ZDHHC20: variants seen among roughly 807,000 people sequenced by gnomAD.
ZDHHC20 encodes palmitoyltransferase ZDHHC20.
In ZDHHC20, 43 loss-of-function variants were observed where a neutral mutation model predicts 57.8. That is an observed-to-expected ratio of 0.74 (90% CI 0.58 to 0.96). The LOEUF (loss-of-function observed/expected upper bound fraction) is 0.96, where lower values mean the gene tolerates loss of function less well. Ranked by LOEUF, ZDHHC20 falls within the 40% of genes least tolerant of loss-of-function variation. The probability of loss-of-function intolerance (pLI) is 0.00; values close to 1 mark genes in which losing one functional copy is unlikely to be tolerated. For synonymous variants in ZDHHC20, 157 were observed against 153.0 expected (o/e 1.03, Z -0.19); for missense variants, 391 against 441.1 (o/e 0.89, Z 1.02).
intron 1 of ZDHHC20, among the ~76,000 whole-genome samples, chr13:21,442,693 T>A (rs1448733878): frequency 6.7e-6 from 1 of 149,792 alleles, no homozygotes; most frequent in Non-Finnish European, 1.5e-5. Context: ...AAGCAGAGAT[T>A]ACAGTGAGCC....
At chr13:21,431,745 G>A (rs529701300) in intron 1 of ZDHHC20, among the ~76,000 whole-genome samples, 23 of 152,258 alleles carry the variant, frequency 1.5e-4, no homozygotes, top group African/African-American at 5.3e-4. Context: ...ATCTTTTCAT[G>A]TGTTTAACAA....
intron 1 of ZDHHC20, among the ~76,000 whole-genome samples, chr13:21,432,937 G>A (rs9509700): frequency 0.089 from 13,530 of 152,214 alleles, 654 homozygotes; most frequent in Non-Finnish European, 0.1. Flanking sequence ...CTGACTATAC[G>A]TGTAAGGGTT....
chr13:21,446,268 A>C (rs1883689914), intron 1 of ZDHHC20, among the ~76,000 whole-genome samples: 1 of 152,236 alleles, frequency 6.6e-6, no homozygotes, highest in Non-Finnish European at 1.5e-5. Flanking sequence ...ATGAAAGTCT[A>C]TTAAGAGGCT....
chr13:21,386,730 G>T (rs1464288024), intron 9 of ZDHHC20, among the ~76,000 whole-genome samples: 2 of 152,100 alleles, frequency 1.3e-5, no homozygotes, highest in Non-Finnish European at 2.9e-5. Context: ...TGTATTTTTA[G>T]TAGAGACCGG....
chr13:21,396,858 A>G (rs1876872615), intron 7 of ZDHHC20, among the ~76,000 whole-genome samples: 1 of 115,432 alleles, frequency 8.7e-6, no homozygotes, highest in Non-Finnish European at 2.0e-5. Context: ...AAGAAAGAAA[A>G]CTCAGAAAAT....
intron 11 of ZDHHC20, among the ~76,000 whole-genome samples, chr13:21,379,459 A>G (rs551553711): frequency 2.0e-5 from 3 of 152,042 alleles, no homozygotes; most frequent in African/African-American, 7.2e-5. Flanking sequence ...TTTTTTTCCC[A>G]AAGTTTTTCG....
intron 1 of ZDHHC20, among the ~76,000 whole-genome samples, chr13:21,453,697 C>T (rs1051055179): frequency 3.3e-5 from 5 of 152,124 alleles, no homozygotes; most frequent in Admixed American, 2.0e-4. Flanking sequence ...TAAATGGAAA[C>T]TAAATCCATG....
rs1344585431 is a variant in ZDHHC20 at position 21,445,082 on chromosome 13, A to G, written c.118+13972T>C. 2.0e-5 allele frequency among the ~76,000 whole-genome samples: 3 copies of G among 151,428 alleles called. No homozygotes were observed. In the East Asian group the frequency reaches 5.8e-4, roughly 29 times the overall value. ...AAAACACATACACACACACACATAC[A>G]TGTTTTACATGTATGTTTTATATAT... On this transcript the variant is annotated intron_variant, in intron 1 of 12. Coordinates refer to ENST00000400590, the MANE Select transcript of ZDHHC20 (RefSeq NM_001330059.2).
chr13:21,459,016 G>C (rs765350004), intron 1 of ZDHHC20, 38 bp downstream of exon 1: 10 of 1,528,042 alleles, frequency 6.5e-6, no homozygotes, highest in Admixed American at 1.8e-5. Flanking sequence ...CCTAGCCGCG[G>C]CCCGCGCCCC....
intron 6 of ZDHHC20, 86 bp downstream of exon 6, chr13:21,401,567 T>C: frequency 1.7e-6 from 2 of 1,203,492 alleles, no homozygotes; most frequent in South Asian, 1.5e-5. Flanking sequence ...ATGAGTAAAC[T>C]GGCCTTCAAA....
chr13:21,449,965 A>G (rs1480527724), intron 1 of ZDHHC20, among the ~76,000 whole-genome samples: 2 of 152,100 alleles, frequency 1.3e-5, no homozygotes, highest in Non-Finnish European at 2.9e-5. Flanking sequence ...TTTTCAATCT[A>G]TTACACTAAG....
At chr13:21,444,256 C>A (rs1185453684) in intron 1 of ZDHHC20, among the ~76,000 whole-genome samples, 1 of 152,164 alleles carries the variant, frequency 6.6e-6, no homozygotes, top group Admixed American at 6.5e-5. Context: ...AACAGACTGC[C>A]TGGAAGTCAC....
intron 7 of ZDHHC20, among the ~76,000 whole-genome samples, chr13:21,395,594 C>T (rs368597748): frequency 4.8e-4 from 73 of 150,786 alleles, no homozygotes; most frequent in African/African-American, 1.4e-3. Flanking sequence ...CTCCGCCTCC[C>T]GGGTTCAAGC....
At chr13:21,450,389 T>C (rs924206261) in intron 1 of ZDHHC20, among the ~76,000 whole-genome samples, 10 of 152,192 alleles carry the variant, frequency 6.6e-5, no homozygotes, top group Non-Finnish European at 1.2e-4. Context: ...TCCACATTTC[T>C]TGTCTTTCAA....
chr13:21,458,153 G>A (rs920541917), intron 1 of ZDHHC20, among the ~76,000 whole-genome samples: 1 of 152,282 alleles, frequency 6.6e-6, no homozygotes, highest in South Asian at 2.1e-4. Context: ...CCCCTAAACA[G>A]TGTTTTTGAT....
At chr13:21,400,113 T>C (rs1276415703) in intron 7 of ZDHHC20, among the ~76,000 whole-genome samples, 1 of 151,994 alleles carries the variant, frequency 6.6e-6, no homozygotes, top group African/African-American at 2.4e-5. Context: ...AAAATGAATA[T>C]GTCTTTGTTA....
Position 21,413,688 on chromosome 13 carries a change from T to C in ZDHHC20, c.334A>G (p.Arg112Gly), listed in dbSNP as rs1438927329. 6 of 1,610,796 alleles carry C rather than the reference T, an allele frequency of 3.7e-6. No individual in the cohort carries two copies. In the Middle Eastern group the frequency reaches 5.8e-4, roughly 155 times the overall value. The change falls in exon 4 of 13, where the codon AGA (arginine) becomes GGA (glycine). Residue 112 changes from arginine to glycine, a missense_variant. Physicochemically the swap from Arg to Gly is moderately radical, Grantham distance 125. Coordinates refer to ENST00000400590, the MANE Select transcript of ZDHHC20 (RefSeq NM_001330059.2). ...GATGTGGTATAGATAGGTAAAGCTC[T>C]TGCTGCTCTTCTCAAAATTTCTTGT... ...RQQEILRRAA[R>G]ALPIYTTSAS... is the part of the protein sequence containing the mutation.
chr13:21,425,221 A>ATTT, intron 2 of ZDHHC20, among the ~76,000 whole-genome samples: 1 of 152,180 alleles, frequency 6.6e-6, no homozygotes, highest in Non-Finnish European at 1.5e-5. Context: ...ATTTTCTTAA[A>ATTT]TATCTGTGCA....
intron 11 of ZDHHC20, among the ~76,000 whole-genome samples, chr13:21,379,825 C>CTTTTTTCT (rs1555253667): frequency 7.3e-6 from 1 of 137,732 alleles, no homozygotes. Flanking sequence ...TTTCTTTTTT[C>CTTTTTTCT]TTTTTTTTTG....
Sources: allele counts gnomAD v4.1 joint callset (sites outside exome capture counted in the v4.1 genomes callset), GRCh38; gene constraint gnomAD v4.1.1; transcripts MANE v1.5; gene names NCBI Gene and HGNC (gene_info 2026-07-23, HGNC 2026-07-21).